The following CAPN15 variants were observed in gnomAD, a reference collection of about 807,000 sequenced individuals.
CAPN15 encodes the protein calpain-15.
A neutral mutation model predicts 97.9 loss-of-function variants in CAPN15; 53 were observed. The observed-to-expected ratio is 0.54, with a 90% CI of 0.43 to 0.68. The LOEUF (loss-of-function observed/expected upper bound fraction) is 0.68, where lower values mean the gene tolerates loss of function less well. CAPN15 is among the 30% of genes least tolerant of loss of function. The pLI is 0.00. For missense variants in CAPN15, 1,592 were observed against 1,589.8 expected, an observed-to-expected ratio of 1.00 and a Z score of -0.02; for synonymous variants, 922 against 722.5, an observed-to-expected ratio of 1.28 and a Z score of -4.43.
At chr16:548,579 G>A (rs1296572260) in intron 4 of CAPN15, among the ~76,000 whole-genome samples, 5 of 152,350 alleles carry the variant, frequency 3.3e-5, no homozygotes, top group African/African-American at 7.2e-5. Flanking sequence ...CGCAGGAGGC[G>A]AGGGCTTCCC....
At chr16:528,592 G>C (rs1031998795) in intron 1 of CAPN15, 10 of 264,912 alleles carry the variant, frequency 3.8e-5, no homozygotes, top group African/African-American at 2.1e-4. Context: ...CAAATCTGCT[G>C]TCCTCCCGCT....
rs1175410411 is a variant in CAPN15 at position 544,766 on chromosome 16, C to CCGT, written c.-22-2050_-22-2049insGTC. On this transcript the variant is annotated intron_variant, in intron 3 of 13. Coordinates refer to ENST00000219611, the MANE Select transcript of CAPN15 (RefSeq NM_005632.3). ...CCACGTCGTCGCCTCCCCCACGTCG[C>CCGT]CTCCCCCACGTCGTCTCCCCCACGT... 5.9e-5 allele frequency among the ~76,000 whole-genome samples: 3 copies of CCGT among 50,760 alleles called. 1 individual carries two copies. The highest frequency in any genetic ancestry group is 2.1e-4 in the African/African-American group (2 of 9,562). 33.3% of individuals were successfully genotyped at this position (50,760 alleles called of 152,430 possible).
intron 1 of CAPN15, among the ~76,000 whole-genome samples, chr16:531,836 G>C (rs2033286532): frequency 6.6e-6 from 1 of 152,268 alleles, no homozygotes; most frequent in African/African-American, 2.4e-5. Flanking sequence ...CCACCAGTGA[G>C]GTCACCGGGC....
chr16:551,779 G>C, intron 9 of CAPN15, 115 bp downstream of exon 9: 1 of 1,334,116 alleles, frequency 7.5e-7, no homozygotes, highest in South Asian at 1.2e-5. Flanking sequence ...CTTGTTCGTG[G>C]CCCAAATGGG....
Position 547,181 on chromosome 16 carries a change from G to A in CAPN15, c.343G>A (p.Ala115Thr), listed in dbSNP as rs772710402. 1.3e-6 allele frequency: 2 copies of A among 1,535,152 alleles called. No homozygotes were observed. The highest frequency in any genetic ancestry group is 2.0e-5 in the Admixed American group (1 of 50,798). Residue 115 changes from alanine to threonine, a missense_variant, in exon 4 of 14, where the codon GCC becomes ACC. Ala to Thr is a moderately conservative substitution (Grantham distance 58). Around this residue, in one of 3 missense-constraint regions of CAPN15, gnomAD observed 883 missense variants for 776.6 expected, o/e 1.14. Transcript: ENST00000219611. ...TCCAGTGAGGACTGCGGGGCTGGTG[G>A]CCACGGAGCCCGCCAGGGGGCAGTG... ...AGPVRTAGLV[A>T]TEPARGQCED... is the part of the protein sequence containing the mutation.
At chr16:548,698 A>C (rs1201287342) in intron 4 of CAPN15, among the ~76,000 whole-genome samples, 1 of 152,104 alleles carries the variant, frequency 6.6e-6, no homozygotes, top group Non-Finnish European at 1.5e-5. Flanking sequence ...CGCAGCCTGC[A>C]CCCTCCCCAG....
rs572002836 is a variant in CAPN15, at chr16:540,920, G to T, written c.-23+4778G>T. Among the ~76,000 whole-genome samples, 18 of 152,308 alleles carry T rather than the reference G, an allele frequency of 1.2e-4. No homozygotes were observed. The South Asian group carries it at 3.7e-3, about 32-fold the overall frequency. On this transcript the variant is annotated intron_variant, in intron 3 of 13. Coordinates refer to ENST00000219611, the MANE Select transcript of CAPN15 (RefSeq NM_005632.3). ...CAGGTGGTGAGGTCTGGACTGGCTGGACCCCACCGATGCTCCTGCCGTCAC... is the reference window on the plus strand; with the variant it reads ...CAGGTGGTGAGGTCTGGACTGGCTGTACCCCACCGATGCTCCTGCCGTCAC...
At position 552,385 on chromosome 16, in the gene CAPN15, C is replaced by T. The variant is rs1359140143; in HGVS notation, c.2592C>T (p.Ser864=). The T allele has an allele frequency of 1.9e-6, 3 of 1,604,800 alleles. No homozygotes were observed. The highest frequency in any genetic ancestry group is 2.2e-5 in the East Asian group (1 of 44,722). ...RATFGSGGHL[S]LGRLLAHSKR... is the part of the protein sequence containing the mutation. ...CGTTCGGCAGCGGCGGCCACCTCAG[C>T]CTGGGCCGCCTCCTGGCCCACAGTA... Residue 864 remains serine, a synonymous_variant, in exon 11 of 14, where the codon AGC becomes AGT. Coordinates refer to ENST00000219611, the MANE Select transcript of CAPN15 (RefSeq NM_005632.3). This position sits in a 1 kb window ranked among gnomAD's most constrained non-coding sequence, Gnocchi z 6.4.
rs1421459134 is a variant in CAPN15, at chr16:539,605, C to T, written c.-23+3463C>T. On this transcript the variant is annotated intron_variant, in intron 3 of 13. Transcript: ENST00000219611. ...CCATAGCCTCACAGGGTCCTTGTTT[C>T]TCGGGGCCTGGCTCTGTGGGTGCAC... 3 of 152,420 alleles carry T rather than the reference C, an allele frequency of 2.0e-5. No individual in the cohort carries two copies. The East Asian group carries it at 5.8e-4, about 29-fold the overall frequency. The allele number at this position is 152,420 out of a possible 1,614,324, so 9.4% of individuals were successfully genotyped here. A position where few individuals can be genotyped will look rare whatever the true frequency, so the allele number is the denominator to read the frequency against.
At chr16:532,407 T>C (rs1227210995) in intron 1 of CAPN15, among the ~76,000 whole-genome samples, 1 of 149,936 alleles carries the variant, frequency 6.7e-6, no homozygotes. Flanking sequence ...ATACAAAAAT[T>C]AGCTGGGCGT....
rs2033659262 is a variant in CAPN15 at position 535,756 on chromosome 16, A to G, written c.-136-273A>G. ...CGCCCTGAGAGTCAGCCCTGTGGTC[A>G]CGGCTCCTGCTGGTTCCCATTCGCG... On this transcript the variant is annotated intron_variant, in intron 2 of 13. Coordinates refer to ENST00000219611, the MANE Select transcript of CAPN15 (RefSeq NM_005632.3). This position sits in a 1 kb window ranked among gnomAD's most constrained non-coding sequence, Gnocchi z 6.2. Among the ~76,000 whole-genome samples, 1 of 152,026 alleles carries G rather than the reference A, an allele frequency of 6.6e-6. No homozygotes were observed. Among genetic ancestry groups the G allele is most frequent in the Admixed American group, 6.5e-5 (1 of 15,270 alleles).
chr16:536,065 C>A lies in CAPN15; in HGVS notation c.-100C>A. 1.0e-6 allele frequency: 1 copy of A among 971,358 alleles called. No individual in the cohort carries two copies. Among genetic ancestry groups the A allele is most frequent in the Non-Finnish European group, 1.2e-6 (1 of 823,296 alleles). 60.2% of individuals were successfully genotyped at this position (971,358 alleles called of 1,614,324 possible). A position where few individuals can be genotyped will look rare whatever the true frequency, so the allele number is the denominator to read the frequency against. Reference sequence around the variant, plus strand: ...GGATGGGAACCACGGACTGACCTGACCTGCGTCCTCGGGGCCACTGCACTG... The same window carrying A: ...GGATGGGAACCACGGACTGACCTGAACTGCGTCCTCGGGGCCACTGCACTG... On this transcript the variant is annotated 5_prime_UTR_variant, in exon 3 of 14. Transcript: ENST00000219611.
At chr16:530,938 G>GCCT (rs994680391) in intron 1 of CAPN15, among the ~76,000 whole-genome samples, 4 of 152,256 alleles carry the variant, frequency 2.6e-5, no homozygotes, top group African/African-American at 9.6e-5. Context: ...ATGGGCATCA[G>GCCT]CCTCGCCATC....
In CAPN15 at chr16:532,925, A is replaced by G. The variant is rs1390687508; in HGVS notation, c.-189-1021A>G. 4.7e-5 allele frequency among the ~76,000 whole-genome samples: 7 copies of G among 150,272 alleles called. No homozygotes were observed. The East Asian group carries it at 9.9e-4, about 21-fold the overall frequency. The stretch of plus-strand genomic sequence containing the variant: ...TGCACACCATCCTCATGCTGATCAC[A>G]AAAGAGGGTGAGGGGCCGGGCATGG... On this transcript the variant is annotated intron_variant, in intron 1 of 13. Coordinates refer to ENST00000219611, the MANE Select transcript of CAPN15 (RefSeq NM_005632.3).
chr16:551,202 G>GCCGC, intron 7 of CAPN15, 100 bp from the exon 8 acceptor site: 2 of 1,467,026 alleles, frequency 1.4e-6, no homozygotes, highest in African/African-American at 3.3e-5. Context: ...GTCGGTGAGG[G>GCCGC]TCCCCAGTCG....
rs776067624 is a variant in CAPN15 at position 552,567 on chromosome 16, C to G, written c.2737+37C>G. ...CTACCCCAGGCTCATGCCCCAGGCCCACGGGGAGGGCTGCGGTTCACACGC... is the reference window on the plus strand; with the variant it reads ...CTACCCCAGGCTCATGCCCCAGGCCGACGGGGAGGGCTGCGGTTCACACGC... On this transcript the variant is annotated intron_variant, in intron 11 of 13. Transcript: ENST00000219611. This position sits in a 1 kb window ranked among gnomAD's most constrained non-coding sequence, Gnocchi z 6.4. 4.5e-6 allele frequency: 7 copies of G among 1,566,716 alleles called. No homozygotes were observed. The highest frequency in any genetic ancestry group is 1.8e-5 in the Admixed American group (1 of 55,582).
chr16:548,162 G>C lies in CAPN15; in HGVS notation c.1324G>C (p.Val442Leu). 1 of 1,535,196 alleles carries C rather than the reference G, an allele frequency of 6.5e-7. No homozygotes were observed. Among genetic ancestry groups the C allele is most frequent in the Non-Finnish European group, 8.8e-7 (1 of 1,142,192 alleles). ...CGCCTGCCACACGCCTCAGCTCCTG[G>C]TGGCCCAGCGGCGGGGGGCCGCGCC... ...CAACHTPQLL[V>L]AQRRGAAPLR... is the part of the protein sequence containing the mutation. Residue 442 changes from valine to leucine, a missense_variant, in exon 4 of 14, where the codon GTG becomes CTG. Physicochemically the swap from Val to Leu is conservative, Grantham distance 32. Around this residue, in one of 3 missense-constraint regions of CAPN15, gnomAD observed 883 missense variants for 776.6 expected, o/e 1.14. Transcript: ENST00000219611.
At chr16:536,523 G>T (rs1161987549) in intron 3 of CAPN15, among the ~76,000 whole-genome samples, 3 of 151,958 alleles carry the variant, frequency 2.0e-5, no homozygotes, top group Non-Finnish European at 2.9e-5. Context: ...CCCGGATTCA[G>T]GCCATTCTCC....
At chr16:553,167 A>C (rs1258179661) in intron 13 of CAPN15, 126 bp downstream of exon 13, 1 of 259,222 alleles carries the variant, frequency 3.9e-6, no homozygotes, top group Non-Finnish European at 6.8e-6. Flanking sequence ...CGCTGCACCC[A>C]CACCCAACCC....
Sources: gnomAD v4.1 joint callset for allele counts (sites outside exome capture counted in the v4.1 genomes callset) on GRCh38, gnomAD v4.1.1 for gene constraint, gnomAD v4.1.1 regional missense constraint, Gnocchi (gnomAD v3.1) non-coding constraint, MANE v1.5 for transcripts, NCBI Gene and HGNC (gene_info 2026-07-23, HGNC 2026-07-21) for gene names.